NRAP: variants seen among roughly 807,000 people sequenced by gnomAD.
NRAP encodes nebulin-related-anchoring protein.
NRAP carries 189 observed loss-of-function variants against 225.9 expected under a neutral mutation model. That is an observed-to-expected ratio of 0.84 (90% CI 0.74 to 0.94). The LOEUF is 0.94. Among genes scored for constraint, NRAP ranks in the 40% least tolerant of loss-of-function variants. The probability of loss-of-function intolerance (pLI) is 0.00; values close to 1 mark genes in which losing one functional copy is unlikely to be tolerated. For missense variants in NRAP, 2,176 were observed against 2,168.7 expected (o/e 1.00, Z -0.07); for synonymous variants, 769 against 790.7 (o/e 0.97, Z 0.46).
At chr10:113,628,333 A>G (rs1848395595) in intron 20 of NRAP, among the ~76,000 whole-genome samples, 1 of 152,108 alleles carries the variant, frequency 6.6e-6, no homozygotes, top group Non-Finnish European at 1.5e-5. Context: ...GATTACAGGC[A>G]CGTGCCACCA....
chr10:113,607,155 C>T (rs763501568), intron 32 of NRAP, among the ~76,000 whole-genome samples: 18 of 151,596 alleles, frequency 1.2e-4, no homozygotes, highest in Admixed American at 6.6e-4. Flanking sequence ...GAGCAAAGAT[C>T]GCGCCACTGC....
chr10:113,654,180 ACT>A (rs1434522362), intron 4 of NRAP, 55 bp from the exon 5 acceptor site: 1 of 957,238 alleles, frequency 1.0e-6, no homozygotes, highest in African/African-American at 1.7e-5. Flanking sequence ...TCCCAGCAAC[ACT>A]TACATACATT....
At chr10:113,648,461 C>CTATA (rs1233688674) in intron 9 of NRAP, among the ~76,000 whole-genome samples, 12 of 125,914 alleles carry the variant, frequency 9.5e-5, no homozygotes, top group South Asian at 2.6e-4. Flanking sequence ...CTCTCTCTCT[C>CTATA]TCTCTCTATA....
intron 35 of NRAP, among the ~76,000 whole-genome samples, chr10:113,602,059 G>A (rs1231465210): frequency 1.3e-5 from 2 of 151,960 alleles, no homozygotes; most frequent in Non-Finnish European, 2.9e-5. Flanking sequence ...CTAATTTTTT[G>A]TAGAGACAGG....
intron 16 of NRAP, among the ~76,000 whole-genome samples, chr10:113,632,520 C>G (rs556580524): frequency 2.0e-5 from 3 of 151,394 alleles, no homozygotes; most frequent in Admixed American, 6.6e-5. Context: ...ATGGCAATGC[C>G]AGCTTCTGAA....
chr10:113,598,604 G>A, intron 35 of NRAP, among the ~76,000 whole-genome samples: 1 of 152,104 alleles, frequency 6.6e-6, no homozygotes, highest in Admixed American at 6.5e-5. Context: ...CCTGCTAGTA[G>A]TCAGGGCTAA....
intron 18 of NRAP, 109 bp downstream of exon 18, chr10:113,631,400 C>T: frequency 1.6e-6 from 1 of 640,296 alleles, no homozygotes; most frequent in Non-Finnish European, 2.8e-6. Context: ...AAAGGAGTTG[C>T]AGGTAGAAGT....
intron 3 of NRAP, among the ~76,000 whole-genome samples, chr10:113,662,173 T>C (rs1054795656): frequency 6.6e-6 from 1 of 152,134 alleles, no homozygotes; most frequent in East Asian, 1.9e-4. Flanking sequence ...GTGGAGGAAA[T>C]GGGCAGGTTC....
At chr10:113,607,433 A>AAAAGAAAAGAAAG (rs1592750366) in intron 32 of NRAP, among the ~76,000 whole-genome samples, 1 of 135,574 alleles carries the variant, frequency 7.4e-6, no homozygotes, top group Non-Finnish European at 1.6e-5. Flanking sequence ...AAAAAAAAAA[A>AAAAGAAAAGAAAG]AAAGAAAAGA....
In NRAP at chr10:113,629,026, A is replaced by C. The variant is rs1319437705; in HGVS notation, c.2041-5T>G. ...CAGGTCAGCCTTGTACTGCAGCTACAAAAGAAAAACCACAAAGCTCTCATT... is the reference window on the plus strand; with the variant it reads ...CAGGTCAGCCTTGTACTGCAGCTACCAAAGAAAAACCACAAAGCTCTCATT... On this transcript the variant is annotated splice_polypyrimidine_tract_variant and splice_region_variant and intron_variant, in intron 19 of 41. Coordinates refer to ENST00000359988, the MANE Select transcript of NRAP (RefSeq NM_198060.4). The C allele has an allele frequency of 1.9e-6, 3 of 1,608,328 alleles. No individual in the cohort carries two copies. Among genetic ancestry groups the C allele is most frequent in the Non-Finnish European group, 2.6e-6 (3 of 1,174,714 alleles).
At position 113,622,149 on chromosome 10, in the gene NRAP, C is replaced by T. The variant is rs1203713689; in HGVS notation, c.2489G>A (p.Arg830Lys). The T allele has an allele frequency of 5.6e-6, 9 of 1,613,678 alleles. No individual in the cohort carries two copies. Among genetic ancestry groups the T allele is most frequent in the Non-Finnish European group, 7.6e-6 (9 of 1,179,676 alleles). The change falls in exon 24 of 42, where the codon AGA becomes AAA. Residue 830 changes from arginine (R) to lysine (K), a missense_variant. Arg to Lys is a conservative substitution (Grantham distance 26). Around this residue, in one of 3 missense-constraint regions of NRAP, gnomAD observed 1,708 missense variants for 1,695.5 expected, o/e 1.01. Coordinates refer to ENST00000359988, the MANE Select transcript of NRAP (RefSeq NM_198060.4). Reference protein sequence around the residue: ...VKYKEDYERSRGKLIGAKDVQ... With the variant: ...VKYKEDYERSKGKLIGAKDVQ... ...ATCTTTTGCCCCAATGAGCTTCCCT[C>T]TGGATCTCTCATAATCCTCCTTGTA...
At chr10:113,616,141 C>T (rs1050704102) in intron 26 of NRAP, among the ~76,000 whole-genome samples, 1 of 152,170 alleles carries the variant, frequency 6.6e-6, no homozygotes, top group African/African-American at 2.4e-5. Flanking sequence ...TAACTATCAG[C>T]TATGAGATGG....
At chr10:113,632,266 AAG>A (rs1233883540) in intron 16 of NRAP, among the ~76,000 whole-genome samples, 3 of 152,202 alleles carry the variant, frequency 2.0e-5, no homozygotes, top group Admixed American at 6.5e-5. Context: ...CCTATTTGCA[AAG>A]AGTGTATCAT....
At chr10:113,657,118 G>A (rs1274858616) in intron 4 of NRAP, among the ~76,000 whole-genome samples, 1 of 152,092 alleles carries the variant, frequency 6.6e-6, no homozygotes, top group Non-Finnish European at 1.5e-5. Context: ...GCCACCTTGG[G>A]AGGCCTCGTA....
Position 113,631,605 on chromosome 10 carries a change from T to C in NRAP, c.1746A>G (p.Lys582=). 1 of 1,600,254 alleles carries C rather than the reference T, an allele frequency of 6.2e-7. No homozygotes were observed. Among genetic ancestry groups the C allele is most frequent in the South Asian group, 1.1e-5 (1 of 90,570 alleles). ...TTGTCTTTTCATATTCTTCTTTATA[T>C]TTAATCTTGAGAGAAAGAAGAAGGT... ...KASGELASNI[K]YKEEYEKTKG... The change falls in exon 18 of 42, where the codon AAA becomes AAG. Residue 582 remains lysine (K), a synonymous_variant. Coordinates refer to ENST00000359988, the MANE Select transcript of NRAP (RefSeq NM_198060.4).
rs1489763655 is a variant in NRAP, at chr10:113,590,661, T to C, written c.4873A>G (p.Arg1625Gly). ...SQQLASDVHY[R>G]QPLPQPTCDP... Reference sequence around the variant, plus strand: ...CAGGTGGGCTGGGGCAGGGGCTGCCTGTAGTGCACATCACTGGCCAGCTGC... The same window carrying C: ...CAGGTGGGCTGGGGCAGGGGCTGCCCGTAGTGCACATCACTGGCCAGCTGC... Residue 1625 changes from arginine (R) to glycine (G), a missense_variant, in exon 40 of 42, where the codon AGG becomes GGG. Transcript: ENST00000359988. 1 of 1,613,996 alleles carries C rather than the reference T, an allele frequency of 6.2e-7. No individual in the cohort carries two copies. The highest frequency in any genetic ancestry group is 8.5e-7 in the Non-Finnish European group (1 of 1,179,994).
At chr10:113,618,322 T>C (rs895177776) in intron 25 of NRAP, among the ~76,000 whole-genome samples, 1 of 152,254 alleles carries the variant, frequency 6.6e-6, no homozygotes, top group African/African-American at 2.4e-5. Context: ...CAAAGCAGAA[T>C]AATTGTCTTA....
At chr10:113,653,103 C>T (rs544327750) in intron 5 of NRAP, 64 bp from the exon 6 acceptor site, 15 of 838,528 alleles carry the variant, frequency 1.8e-5, no homozygotes, top group Middle Eastern at 2.3e-4. Context: ...CTAAGAAAAC[C>T]GCAATAAAAC....
chr10:113,610,917 T>C (rs777211099), intron 30 of NRAP, among the ~76,000 whole-genome samples: 1 of 152,168 alleles, frequency 6.6e-6, no homozygotes, highest in Non-Finnish European at 1.5e-5. Flanking sequence ...AATGTGGAAA[T>C]GGTCTAACAG....
Sources: gnomAD v4.1 joint callset for allele counts (sites outside exome capture counted in the v4.1 genomes callset) on GRCh38, gnomAD v4.1.1 for gene constraint, gnomAD v4.1.1 regional missense constraint, MANE v1.5 for transcripts, NCBI Gene and HGNC (gene_info 2026-07-23, HGNC 2026-07-21) for gene names.